LINGO1: variants seen among roughly 807,000 people sequenced by gnomAD.
LINGO1 encodes the protein leucine rich repeat and Ig domain containing 1, also known as leucine-rich repeat and immunoglobulin-like domain-containing nogo receptor-interacting protein 1.
Under a neutral mutation model 37.3 loss-of-function variants are expected in LINGO1, and 11 were observed. The observed-to-expected ratio is 0.29, with a 90% confidence interval of 0.19 to 0.49. The LOEUF (loss-of-function observed/expected upper bound fraction) is 0.49, where lower values mean the gene tolerates loss of function less well. LINGO1 is among the 20% of genes least tolerant of loss of function. The pLI, the probability that LINGO1 is intolerant of heterozygous loss-of-function variation, is 0.99. For missense variants in LINGO1, 585 were observed against 878.2 expected, an observed-to-expected ratio of 0.67 and a Z score of 4.22; for synonymous variants, 387 against 403.0, an observed-to-expected ratio of 0.96 and a Z score of 0.48.
At chr15:77,784,629 A>C (rs1311671135) in intron 1 of LINGO1, 2 of 152,018 alleles carry the variant, frequency 1.3e-5, no homozygotes, top group Non-Finnish European at 2.9e-5. Context: ...CTCTCCTTTT[A>C]TTAGGGAAAT....
At chr15:77,816,052 T>C (rs1174530465) in intron 1 of LINGO1, among the ~76,000 whole-genome samples, 2 of 152,178 alleles carry the variant, frequency 1.3e-5, no homozygotes, top group African/African-American at 4.8e-5. Context: ...AATTATTTAC[T>C]GAGCATAGAT....
intron 3 of LINGO1, among the ~76,000 whole-genome samples, chr15:77,657,792 C>T (rs1049919001): frequency 5.9e-5 from 9 of 152,122 alleles, no homozygotes; most frequent in Admixed American, 2.0e-4. Flanking sequence ...TTGGAGGCTC[C>T]GCCGCGGGGG....
chr15:77,681,228 G>T (rs2141227457), intron 2 of LINGO1, among the ~76,000 whole-genome samples: 1 of 150,672 alleles, frequency 6.6e-6, no homozygotes, highest in South Asian at 2.1e-4. Context: ...ATTTCTGTGG[G>T]TTTTTTTTTT....
chr15:77,816,614 G>A (rs2077049867), intron 1 of LINGO1, among the ~76,000 whole-genome samples: 1 of 152,216 alleles, frequency 6.6e-6, no homozygotes, highest in African/African-American at 2.4e-5. Context: ...CCAGTCAGGA[G>A]GCTGGGGTGA....
intron 1 of LINGO1, among the ~76,000 whole-genome samples, chr15:77,807,599 T>C (rs2076970736): frequency 6.6e-6 from 1 of 152,124 alleles, no homozygotes; most frequent in Admixed American, 6.5e-5. Flanking sequence ...ACGTCTCTTC[T>C]ACTCCATTTC....
chr15:77,742,746 G>A (rs1596178845), intron 1 of LINGO1, among the ~76,000 whole-genome samples: 1 of 152,360 alleles, frequency 6.6e-6, no homozygotes, highest in East Asian at 1.9e-4. Context: ...AAAGACTGGT[G>A]TGCTGTCCAG....
At chr15:77,758,735 T>C (rs1014665595) in intron 1 of LINGO1, among the ~76,000 whole-genome samples, 1 of 152,050 alleles carries the variant, frequency 6.6e-6, no homozygotes, top group South Asian at 2.1e-4. Context: ...TGAGACTGCC[T>C]CCTATATGGG....
At position 77,777,590 on chromosome 15, in the gene LINGO1, G is replaced by A. The variant is rs145347444; in HGVS notation, c.-257+9279C>T. 5.5e-3 allele frequency among the ~76,000 whole-genome samples: 841 copies of A among 152,096 alleles called. 4 individuals are homozygous for A. Among genetic ancestry groups the A allele is most frequent in the South Asian group, 0.021 (99 of 4,806 alleles). ...TGTCCTACTGTTGCTGTAACAAATC[G>A]CCACACACTTGGTGGCTTAAAAACA... On this transcript the variant is annotated intron_variant, in intron 1 of 3. Transcript: ENST00000561686.
intron 1 of LINGO1, among the ~76,000 whole-genome samples, chr15:77,804,368 C>A (rs991380575): frequency 1.3e-5 from 2 of 152,170 alleles, no homozygotes; most frequent in Non-Finnish European, 2.9e-5. Context: ...TCATGTGGCC[C>A]CGGGTCCCAA....
chr15:77,809,615 G>A (rs918715860), intron 1 of LINGO1, among the ~76,000 whole-genome samples: 1 of 152,136 alleles, frequency 6.6e-6, no homozygotes, highest in African/African-American at 2.4e-5. Flanking sequence ...GAGAGCAGAG[G>A]GAAGGCCTGG....
intron 1 of LINGO1, among the ~76,000 whole-genome samples, chr15:77,758,816 A>G (rs1567567516): frequency 6.6e-6 from 1 of 151,528 alleles, no homozygotes; most frequent in Non-Finnish European, 1.5e-5. Flanking sequence ...ACAGAGGAAG[A>G]ACTGTGGCAA....
chr15:77,615,792 C>T lies in LINGO1; in HGVS notation c.115G>A (p.Ala39Thr). 2 of 1,564,668 alleles carry T rather than the reference C, an allele frequency of 1.3e-6. No individual in the cohort carries two copies. Among genetic ancestry groups the T allele is most frequent in the Non-Finnish European group, 1.7e-6 (2 of 1,162,592 alleles). Residue 39 changes from alanine (A) to threonine (T), a missense_variant, in exon 2 of 2, where the codon GCC becomes ACC. Physicochemically the swap from Ala to Thr is moderately conservative, Grantham distance 58. This residue lies in a region of LINGO1 where 65 missense variants were observed against 57.0 expected (regional missense o/e 1.14). Coordinates refer to ENST00000355300, the MANE Select transcript of LINGO1 (RefSeq NM_032808.7). ...LVLGSVLSGS[A>T]TGCPPRCECS... is the part of the protein sequence containing the mutation. The stretch of plus-strand genomic sequence containing the variant: ...TCGCAGCGGGGCGGGCAGCCCGTGG[C>T]CGAGCCTGACAGCACTGAGCCCAGC...
intron 3 of LINGO1, among the ~76,000 whole-genome samples, chr15:77,650,561 T>A (rs1245643052): frequency 6.6e-6 from 1 of 152,094 alleles, no homozygotes; most frequent in East Asian, 1.9e-4. Flanking sequence ...CTGGGTTCAA[T>A]CTAGGCAGGA....
chr15:77,687,589 C>G (rs866965566), intron 2 of LINGO1, among the ~76,000 whole-genome samples: 1 of 152,342 alleles, frequency 6.6e-6, no homozygotes, highest in Middle Eastern at 3.4e-3. Context: ...GAAGCTCTTC[C>G]TTGCCTCCCC....
At chr15:77,771,974 T>C (rs78733281) in intron 1 of LINGO1, among the ~76,000 whole-genome samples, 8,303 of 152,292 alleles carry the variant, frequency 0.055, 341 homozygotes, top group Non-Finnish European at 0.083. Flanking sequence ...GGTAGACTCA[T>C]TGGAGGGATC....
Position 77,704,402 on chromosome 15 carries a change from T to C in LINGO1, c.-194-13501A>G, listed in dbSNP as rs779389867. On this transcript the variant is annotated intron_variant, in intron 2 of 3. Transcript: ENST00000561686. ...ACTGAACCCCGACCCTGATCACAGATTGAACCCCAACCCTGGCCACACACT... is the reference window on the plus strand; with the variant it reads ...ACTGAACCCCGACCCTGATCACAGACTGAACCCCAACCCTGGCCACACACT... Among the ~76,000 whole-genome samples the C allele has an allele frequency of 2.0e-3, 292 of 145,738 alleles. 2 individuals carry two copies. Among genetic ancestry groups the C allele is most frequent in the African/African-American group, 6.8e-3 (263 of 38,740 alleles).
At chr15:77,706,748 C>T (rs1414513304) in intron 2 of LINGO1, among the ~76,000 whole-genome samples, 1 of 152,232 alleles carries the variant, frequency 6.6e-6, no homozygotes, top group Non-Finnish European at 1.5e-5. Context: ...GAGCCTCACT[C>T]GGAAAGGGGC....
intron 1 of LINGO1, among the ~76,000 whole-genome samples, chr15:77,800,375 A>G (rs1475351981): frequency 2.6e-5 from 4 of 152,216 alleles, no homozygotes; most frequent in African/African-American, 9.7e-5. Context: ...GTGGGGGCAG[A>G]GCATACGAGA....
intron 1 of LINGO1, among the ~76,000 whole-genome samples, chr15:77,735,607 G>T (rs975028608): frequency 6.6e-6 from 1 of 152,248 alleles, no homozygotes; most frequent in African/African-American, 2.4e-5. Flanking sequence ...AGTACAGGCA[G>T]GTGCAGCAGA....
Sources: allele counts gnomAD v4.1 joint callset (sites outside exome capture counted in the v4.1 genomes callset), GRCh38; gene constraint gnomAD v4.1.1; regional missense constraint gnomAD v4.1.1; transcripts MANE v1.5; gene names NCBI Gene and HGNC (gene_info 2026-07-23, HGNC 2026-07-21).